DYNC2H1: variants seen among roughly 807,000 people sequenced by gnomAD.
DYNC2H1 encodes dynein cytoplasmic 2 heavy chain 1.
Under a neutral mutation model 570.0 loss-of-function variants are expected in DYNC2H1, and 410 were observed. That is an observed-to-expected ratio of 0.72 (90% CI 0.66 to 0.78). DYNC2H1 has a LOEUF of 0.78. DYNC2H1 is among the 30% of genes least tolerant of loss of function. The pLI is 0.00. For synonymous variants in DYNC2H1, 1,688 were observed against 1,677.6 expected (o/e 1.01, Z -0.15); for missense variants, 4,865 against 5,046.4 (o/e 0.96, Z 1.09).
chr11:103,134,469 G>T, intron 15 of DYNC2H1, 50 bp downstream of exon 15: 1 of 1,445,218 alleles, frequency 6.9e-7, no homozygotes, highest in Non-Finnish European at 9.5e-7. Flanking sequence ...GACCTTTTCA[G>T]AATGTAAGTA....
Position 103,326,787 on chromosome 11 carries a change from T to C in DYNC2H1, c.12039+2797T>C, listed in dbSNP as rs6591014. The stretch of plus-strand genomic sequence containing the variant: ...AATCCTGTGGGGGAAGCCAGCCTGC[T>C]GTCTCTTGGCCTGGCAGTCAGCTGA... On this transcript the variant is annotated intron_variant, in intron 82 of 88. Coordinates refer to ENST00000375735, the MANE Select transcript of DYNC2H1 (RefSeq NM_001377.3). The surrounding 1 kb of genome is among the most constrained non-coding windows in gnomAD (Gnocchi z 6.1). Among the ~76,000 whole-genome samples, 8,247 of 152,306 alleles carry C rather than the reference T, an allele frequency of 0.054. 284 individuals carry two copies. The highest frequency in any genetic ancestry group is 0.078 in the Non-Finnish European group (5,282 of 68,008).
intron 73 of DYNC2H1, among the ~76,000 whole-genome samples, chr11:103,283,810 A>G (rs964310593): frequency 7.2e-5 from 11 of 151,928 alleles, no homozygotes; most frequent in African/African-American, 2.7e-4. Flanking sequence ...TACTGCCTTC[A>G]TTTCATAAAC....
intron 84 of DYNC2H1, among the ~76,000 whole-genome samples, chr11:103,409,849 A>G (rs1431814037): frequency 6.6e-6 from 1 of 151,970 alleles, no homozygotes; most frequent in African/African-American, 2.4e-5. Context: ...TAGTTAATAC[A>G]TTATGCAGAA....
rs931383925 is a variant in DYNC2H1, at chr11:103,326,392, A to G, written c.12039+2402A>G. ...GCTGCATCCGGGAGATAGGCCGGCC[A>G]TACGCTTTCTGGGCCAGCCCTGTGG... is the stretch of plus-strand genomic sequence containing the variant. On this transcript the variant is annotated intron_variant, in intron 82 of 88. Coordinates refer to ENST00000375735, the MANE Select transcript of DYNC2H1 (RefSeq NM_001377.3). This position sits in a 1 kb window ranked among gnomAD's most constrained non-coding sequence, Gnocchi z 6.1. 1.3e-5 allele frequency among the ~76,000 whole-genome samples: 2 copies of G among 152,128 alleles called. No individual in the cohort carries two copies. Among genetic ancestry groups the G allele is most frequent in the African/African-American group, 4.8e-5 (2 of 41,424 alleles).
chr11:103,458,801 C>T (rs558749535), intron 87 of DYNC2H1, among the ~76,000 whole-genome samples: 1 of 152,074 alleles, frequency 6.6e-6, no homozygotes, highest in Non-Finnish European at 1.5e-5. Context: ...CCCTCTTACA[C>T]TATCATTCCT....
chr11:103,390,520 G>T (rs1565554357), intron 83 of DYNC2H1, among the ~76,000 whole-genome samples: 1 of 152,112 alleles, frequency 6.6e-6, no homozygotes, highest in African/African-American at 2.4e-5. Flanking sequence ...ATTGTTATGT[G>T]TGAATTTGAT....
At chr11:103,180,170 A>G (rs913086410) in intron 39 of DYNC2H1, among the ~76,000 whole-genome samples, 7 of 151,728 alleles carry the variant, frequency 4.6e-5, no homozygotes, top group African/African-American at 1.7e-4. Context: ...CACACAATTT[A>G]TCATATTTAT....
At chr11:103,349,045 G>A (rs921480741) in intron 82 of DYNC2H1, among the ~76,000 whole-genome samples, 8 of 152,094 alleles carry the variant, frequency 5.3e-5, no homozygotes, top group East Asian at 1.9e-4. Flanking sequence ...AATCTCTTTC[G>A]TTTATAAATT....
Position 103,456,289 on chromosome 11 carries a change from C to G in DYNC2H1, c.12581C>G (p.Ser4194Cys), listed in dbSNP as rs886042136. Residue 4194 changes from serine to cysteine, a missense_variant, in exon 87 of 89, where the codon TCT becomes TGT. By Grantham distance (112) the Ser-to-Cys change is moderately radical (BLOSUM62 -1). Transcript: ENST00000375735. ...TACCTTTACAGGGCAGTGGGTCGTT[C>G]TGTGGATAGCCTTAAATTTGTAGCC... ...RQETARAVGR[S>C]VDSLKFVASW... 6 of 1,608,378 alleles carry G rather than the reference C, an allele frequency of 3.7e-6. No homozygotes were observed. In the African/African-American group the frequency reaches 4.0e-5, roughly 11 times the overall value.
chr11:103,356,126 C>A (rs897394079), intron 82 of DYNC2H1, among the ~76,000 whole-genome samples: 58 of 152,012 alleles, frequency 3.8e-4, no homozygotes, highest in African/African-American at 1.3e-3. Flanking sequence ...TAAATTTTAT[C>A]CCTTTTGATA....
intron 84 of DYNC2H1, among the ~76,000 whole-genome samples, chr11:103,425,951 A>G (rs1286676904): frequency 1.9e-5 from 2 of 103,276 alleles, no homozygotes; most frequent in African/African-American, 9.2e-5. Flanking sequence ...CTGGCCATAA[A>G]CAAAATCTCT....
chr11:103,329,658 G>A (rs1428303619), intron 82 of DYNC2H1, among the ~76,000 whole-genome samples: 1 of 151,676 alleles, frequency 6.6e-6, no homozygotes, highest in Non-Finnish European at 1.5e-5. Flanking sequence ...AGGATTCTGA[G>A]TTATTCAAGG....
intron 17 of DYNC2H1, among the ~76,000 whole-genome samples, chr11:103,136,461 T>C (rs1191150991): frequency 3.3e-5 from 5 of 151,316 alleles, no homozygotes; most frequent in Non-Finnish European, 7.4e-5. Context: ...CACCTATGAG[T>C]GAGAACATGC....
Position 103,446,709 on chromosome 11 carries a change from C to T in DYNC2H1, c.12457-8477C>T, listed in dbSNP as rs1365264306. Among the ~76,000 whole-genome samples the T allele has an allele frequency of 6.6e-6, 1 of 151,882 alleles. No homozygotes were observed. The highest frequency in any genetic ancestry group is 1.5e-5 in the Non-Finnish European group (1 of 67,978). On this transcript the variant is annotated intron_variant, in intron 85 of 88. Coordinates refer to ENST00000375735, the MANE Select transcript of DYNC2H1 (RefSeq NM_001377.3). The surrounding 1 kb of genome is among the most constrained non-coding windows in gnomAD (Gnocchi z 4.5). The stretch of plus-strand genomic sequence containing the variant: ...TAATATAGGGGATTTTTGACCATAT[C>T]TGTGTTCACTATAAATTTTTAAATT...
chr11:103,179,104 A>G lies in DYNC2H1; in HGVS notation c.6218A>G (p.Asn2073Ser), dbSNP rs1274424091. ...TCTCTGAATTCTGTTCTGGATGATA[A>G]TCGACTGCTGACTATGCCCAGTGGA... ...IESLNSVLDD[N>S]RLLTMPSGER... The change falls in exon 39 of 89, where the codon AAT becomes AGT. Residue 2073 changes from asparagine (N) to serine (S), a missense_variant. Around this residue, in one of 5 missense-constraint regions of DYNC2H1, gnomAD observed 231 missense variants for 310.3 expected, o/e 0.74. Coordinates refer to ENST00000375735, the MANE Select transcript of DYNC2H1 (RefSeq NM_001377.3). 1.9e-6 allele frequency: 3 copies of G among 1,613,050 alleles called. No individual in the cohort carries two copies. Among genetic ancestry groups the G allele is most frequent in the Non-Finnish European group, 2.5e-6 (3 of 1,179,276 alleles).
intron 82 of DYNC2H1, among the ~76,000 whole-genome samples, chr11:103,327,920 C>T (rs1938579550): frequency 6.6e-6 from 1 of 152,150 alleles, no homozygotes; most frequent in Non-Finnish European, 1.5e-5. Context: ...ACAGGGGTTT[C>T]ATGACAAACT....
At chr11:103,411,920 TAAAATTCTTTC>T (rs1445336438) in intron 84 of DYNC2H1, among the ~76,000 whole-genome samples, 1 of 152,144 alleles carries the variant, frequency 6.6e-6, no homozygotes, top group Non-Finnish European at 1.5e-5. Flanking sequence ...ATGAATTTGT[TAAAATTCTTTC>T]AAAGTATGAA....
intron 85 of DYNC2H1, chr11:103,454,925 T>C: frequency 8.1e-6 from 3 of 371,942 alleles, no homozygotes; most frequent in Non-Finnish European, 9.7e-6. Context: ...TAGGTTAATT[T>C]TCACCTTTTG....
chr11:103,231,359 T>A lies in DYNC2H1; in HGVS notation c.9440+13T>A, dbSNP rs939355500. 37 of 1,547,456 alleles carry A rather than the reference T, an allele frequency of 2.4e-5. No homozygotes were observed. In the East Asian group the frequency reaches 7.9e-4, roughly 33 times the overall value. ...AACTCAAAGAAAAGTAAGTTATATT[T>A]TGAAGTGTATTTTGGATAATGCTGA... is the stretch of plus-strand genomic sequence containing the variant. On this transcript the variant is annotated intron_variant, in intron 60 of 88. Transcript: ENST00000375735.
Sources: allele counts gnomAD v4.1 joint callset (sites outside exome capture counted in the v4.1 genomes callset), GRCh38; gene constraint gnomAD v4.1.1; regional missense constraint gnomAD v4.1.1; non-coding constraint Gnocchi (gnomAD v3.1); transcripts MANE v1.5; gene names NCBI Gene and HGNC (gene_info 2026-07-23, HGNC 2026-07-21).